Variants in SLC35A5 observed in about 807,000 individuals in gnomAD.
SLC35A5 encodes the protein solute carrier family 35 member A5.
Under a neutral mutation model 36.3 loss-of-function variants are expected in SLC35A5, and 28 were observed. That is an observed-to-expected ratio of 0.77 (90% CI 0.57 to 1.06). SLC35A5 has a LOEUF of 1.06. Ranked by LOEUF, SLC35A5 falls within the 50% of genes least tolerant of loss-of-function variation. The pLI, the probability that SLC35A5 is intolerant of heterozygous loss-of-function variation, is 0.00. For synonymous variants in SLC35A5, 180 were observed against 173.7 expected, an observed-to-expected ratio of 1.04 and a Z score of -0.29; for missense variants, 521 against 499.3, an observed-to-expected ratio of 1.04 and a Z score of -0.41.
chr3:112,584,350 A>T lies in SLC35A5; in HGVS notation c.*1614A>T, dbSNP rs1395045623. 6.6e-6 allele frequency: 1 copy of T among 152,190 alleles called. No homozygotes were observed. Among genetic ancestry groups the T allele is most frequent in the Non-Finnish European group, 1.5e-5 (1 of 68,022 alleles). The allele number at this position is 152,190 out of a possible 1,614,324, so 9.4% of individuals were successfully genotyped here. A position where few individuals can be genotyped will look rare whatever the true frequency, so the allele number is the denominator to read the frequency against. ...TATATCTATTATGGCGATTTATTTT[A>T]AAGGTAAGGGAAATGAGGTACAGCA... On this transcript the variant is annotated 3_prime_UTR_variant, in exon 7 of 7. Coordinates refer to ENST00000492406, the MANE Select transcript of SLC35A5 (RefSeq NM_017945.5).
At chr3:112,562,879 G>GGC (rs1933995199) in intron 1 of SLC35A5, among the ~76,000 whole-genome samples, 1 of 152,014 alleles carries the variant, frequency 6.6e-6, no homozygotes, top group Non-Finnish European at 1.5e-5. Flanking sequence ...GGCCAACATA[G>GGC]TGAAACCCCG....
chr3:112,570,931 T>G (rs951714917), intron 4 of SLC35A5, among the ~76,000 whole-genome samples: 1 of 152,170 alleles, frequency 6.6e-6, no homozygotes, highest in Non-Finnish European at 1.5e-5. Flanking sequence ...TGAAGCCACC[T>G]CTTTTTATGT....
rs1227236486 is a variant in SLC35A5 at position 112,566,599 on chromosome 3, A to T, written c.131-2572A>T. 1.3e-5 allele frequency among the ~76,000 whole-genome samples: 2 copies of T among 152,248 alleles called. 1 individual carries two copies. The highest frequency in any genetic ancestry group is 4.8e-5 in the African/African-American group (2 of 41,460). ...TTAGCGAGATGGGATAACTAAATGC[A>T]CATGACTCATAGAAAGGAAAGAAAG... On this transcript the variant is annotated intron_variant, in intron 2 of 6. Transcript: ENST00000492406.
chr3:112,577,092 GAAA>G (rs11483243), intron 5 of SLC35A5, among the ~76,000 whole-genome samples: 15 of 145,584 alleles, frequency 1.0e-4, no homozygotes, highest in Admixed American at 2.1e-4. Flanking sequence ...AATTTTTTAA[GAAA>G]AAAAAAAATA....
chr3:112,568,418 C>T (rs762114337), intron 2 of SLC35A5, among the ~76,000 whole-genome samples: 3 of 152,146 alleles, frequency 2.0e-5, no homozygotes, highest in Non-Finnish European at 4.4e-5. Flanking sequence ...AATTGTAAAG[C>T]GAGTTGTTTG....
rs963062819 is a variant in SLC35A5 at position 112,584,421 on chromosome 3, A to G, written c.*1685A>G. Reference sequence around the variant, plus strand: ...GCATACAAAACATTTTTATCTCATAAAACATAAAAATTACAAAAATATTCT... The same window carrying G: ...GCATACAAAACATTTTTATCTCATAGAACATAAAAATTACAAAAATATTCT... On this transcript the variant is annotated 3_prime_UTR_variant, in exon 7 of 7. Transcript: ENST00000492406. 29 of 152,242 alleles carry G rather than the reference A, an allele frequency of 1.9e-4. No homozygotes were observed. Among genetic ancestry groups the G allele is most frequent in the African/African-American group, 7.0e-4 (29 of 41,462 alleles). 9.4% of individuals were successfully genotyped at this position (152,242 alleles called of 1,614,324 possible).
At chr3:112,574,282 T>C (rs542136213) in intron 5 of SLC35A5, among the ~76,000 whole-genome samples, 65 of 152,364 alleles carry the variant, frequency 4.3e-4, no homozygotes, top group African/African-American at 1.5e-3. Context: ...TCTGCACTAA[T>C]AGGGAAGCAA....
chr3:112,581,118 T>C lies in SLC35A5; in HGVS notation c.1001T>C (p.Leu334Ser), dbSNP rs1934896029. The C allele has an allele frequency of 3.1e-6, 5 of 1,614,094 alleles. No homozygotes were observed. The highest frequency in any genetic ancestry group is 4.2e-6 in the Non-Finnish European group (5 of 1,179,958). The change falls in exon 6 of 7, where the codon TTG becomes TCG. Residue 334 changes from leucine to serine, a missense_variant. Physicochemically the swap from Leu to Ser is moderately radical, Grantham distance 145. Transcript: ENST00000492406. The stretch of plus-strand genomic sequence containing the variant: ...TTCCTGGATAACATGTTCCATGTCT[T>C]GATGGCCCAGGTTACCACTGTCATT... Reference protein sequence around the residue: ...LKFLDNMFHVLMAQVTTVIIT... With the variant: ...LKFLDNMFHVSMAQVTTVIIT...
chr3:112,561,476 T>C, upstream of SLC35A5: 1 of 1,610,518 alleles, frequency 6.2e-7, no homozygotes, highest in Non-Finnish European at 8.5e-7. Flanking sequence ...CGGGGTCAGG[T>C]ACTCAGCCAC....
intron 2 of SLC35A5, among the ~76,000 whole-genome samples, chr3:112,566,314 A>G (rs980118017): frequency 6.6e-6 from 1 of 152,226 alleles, no homozygotes; most frequent in African/African-American, 2.4e-5. Context: ...TTTCTGCAGT[A>G]TCTGGCATGT....
At chr3:112,563,235 G>A (rs914293494) in intron 1 of SLC35A5, 150 bp from the exon 2 acceptor site, 48 of 486,930 alleles carry the variant, frequency 9.9e-5, no homozygotes, top group African/African-American at 9.1e-4. Context: ...CTTTCCTTTT[G>A]TCATAGTTTC....
chr3:112,568,449 G>A (rs1381381187), intron 2 of SLC35A5, among the ~76,000 whole-genome samples: 1 of 152,158 alleles, frequency 6.6e-6, no homozygotes, highest in Admixed American at 6.5e-5. Flanking sequence ...GAAGAGACAG[G>A]TAACAGTTAA....
chr3:112,579,670 C>G (rs1934816726), intron 5 of SLC35A5, among the ~76,000 whole-genome samples: 1 of 152,140 alleles, frequency 6.6e-6, no homozygotes, highest in East Asian at 1.9e-4. Context: ...TGACTATTTA[C>G]AGATTGTAGT....
At position 112,585,152 on chromosome 3, in the gene SLC35A5, C is replaced by T. The variant is rs1935099138; in HGVS notation, c.*2416C>T. ...GAGGAGGCCTCAGGAAACTCACAAG[C>T]ATGGCTGAAGGCGAAACAGAAGCAA... On this transcript the variant is annotated 3_prime_UTR_variant, in exon 7 of 7. Coordinates refer to ENST00000492406, the MANE Select transcript of SLC35A5 (RefSeq NM_017945.5). 6.6e-6 allele frequency: 1 copy of T among 150,886 alleles called. No homozygotes were observed. The highest frequency in any genetic ancestry group is 2.5e-5 in the African/African-American group (1 of 40,220). 9.3% of individuals were successfully genotyped at this position (150,886 alleles called of 1,614,324 possible). A position where few individuals can be genotyped will look rare whatever the true frequency, so the allele number is the denominator to read the frequency against.
intron 5 of SLC35A5, among the ~76,000 whole-genome samples, chr3:112,574,404 GC>G (rs1217669193): frequency 7.0e-6 from 1 of 142,336 alleles, no homozygotes; most frequent in African/African-American, 3.1e-5. Flanking sequence ...GCACTAATTA[GC>G]AGAGTGTGTG....
chr3:112,575,916 C>T (rs1419593112), intron 5 of SLC35A5, among the ~76,000 whole-genome samples: 1 of 151,876 alleles, frequency 6.6e-6, no homozygotes, highest in Non-Finnish European at 1.5e-5. Flanking sequence ...CACACCACCA[C>T]GCCCAGCTAA....
At position 112,583,345 on chromosome 3, in the gene SLC35A5, T is replaced by C; in HGVS notation, c.*609T>C. On this transcript the variant is annotated 3_prime_UTR_variant, in exon 7 of 7. Transcript: ENST00000492406. ...CAGACACAACATCTCAGAATTTTAA[T>C]TTTTAGAAATTCATGGGAAATTGGA... 2.6e-6 allele frequency: 1 copy of C among 386,530 alleles called. No homozygotes were observed. The highest frequency in any genetic ancestry group is 4.6e-6 in the Non-Finnish European group (1 of 218,460). 23.9% of individuals were successfully genotyped at this position (386,530 alleles called of 1,614,324 possible). A position where few individuals can be genotyped will look rare whatever the true frequency, so the allele number is the denominator to read the frequency against.
intron 2 of SLC35A5, among the ~76,000 whole-genome samples, chr3:112,565,801 T>A (rs1165617791): frequency 6.6e-6 from 1 of 151,952 alleles, no homozygotes; most frequent in African/African-American, 2.4e-5. Context: ...GTTTAAGGAC[T>A]CAGAAGAAAG....
At chr3:112,561,571 G>A (rs1176206250), upstream of SLC35A5, 5 of 1,586,828 alleles carry the variant, frequency 3.2e-6, no homozygotes, top group East Asian at 6.8e-5. Context: ...GGGATGGAAA[G>A]TGCAGCCGTG....
Sources: gnomAD v4.1 joint callset for allele counts (sites outside exome capture counted in the v4.1 genomes callset) on GRCh38, gnomAD v4.1.1 for gene constraint, MANE v1.5 for transcripts, NCBI Gene and HGNC (gene_info 2026-07-23, HGNC 2026-07-21) for gene names.